The following TRPM3 variants were observed in gnomAD, a reference collection of about 807,000 sequenced individuals.
The protein encoded by TRPM3 is transient receptor potential cation channel subfamily M member 3, also known as long transient receptor potential channel 3.
A neutral mutation model predicts 181.2 loss-of-function variants in TRPM3; 77 were observed. The ratio of observed to expected loss-of-function variants is 0.42; its 90% CI spans 0.35 to 0.51. TRPM3 has a LOEUF of 0.51. Ranked by LOEUF, TRPM3 falls within the 20% of genes least tolerant of loss-of-function variation. The pLI is 0.01. For synonymous variants in TRPM3, 745 were observed against 796.4 expected (o/e 0.94, Z 1.09); for missense variants, 1,759 against 2,196.7 (o/e 0.80, Z 3.98).
intron 1 of TRPM3, among the ~76,000 whole-genome samples, chr9:71,019,111 G>A (rs1346615048): frequency 6.6e-6 from 1 of 151,802 alleles, no homozygotes; most frequent in Non-Finnish European, 1.5e-5. Context: ...AAATGATAAA[G>A]TTTATCTACA....
At position 70,529,434 on chromosome 9, in the gene TRPM3, T is replaced by A. The variant is rs2040567304; in HGVS notation, c.*6519A>T. On this transcript the variant is annotated 3_prime_UTR_variant, in exon 26 of 26. Transcript: ENST00000677713. ...GAACGTTTACAAATGAGAGTCTAGG[T>A]CCTATATTATGAAATGGCTATGAGT... 1.3e-5 allele frequency: 2 copies of A among 152,162 alleles called. No homozygotes were observed. Among genetic ancestry groups the A allele is most frequent in the African/African-American group, 2.4e-5 (1 of 41,438 alleles). The allele number at this position is 152,162 out of a possible 1,614,324, so 9.4% of individuals were successfully genotyped here.
At chr9:71,236,418 A>G (rs2081353632) in intron 1 of TRPM3, among the ~76,000 whole-genome samples, 1 of 151,282 alleles carries the variant, frequency 6.6e-6, no homozygotes, top group Non-Finnish European at 1.5e-5. Context: ...ACCACCCTCT[A>G]CCCGCCCCAC....
chr9:70,765,097 G>C (rs535152666), intron 7 of TRPM3, among the ~76,000 whole-genome samples: 4 of 152,284 alleles, frequency 2.6e-5, no homozygotes, highest in African/African-American at 7.2e-5. Flanking sequence ...TATGCCCTAA[G>C]GAGGTTAAAT....
At chr9:70,932,767 A>T (rs2096787933) in intron 1 of TRPM3, among the ~76,000 whole-genome samples, 1 of 152,174 alleles carries the variant, frequency 6.6e-6, no homozygotes, top group Admixed American at 6.5e-5. Flanking sequence ...TCAGATCTCT[A>T]TTCTAATGGA....
chr9:71,416,102 A>C (rs753583432), intron 1 of TRPM3, among the ~76,000 whole-genome samples: 19 of 151,716 alleles, frequency 1.3e-4, no homozygotes, highest in Non-Finnish European at 2.1e-4. Flanking sequence ...TGTATTTCAC[A>C]AAGAAAAAAG....
intron 1 of TRPM3, among the ~76,000 whole-genome samples, chr9:71,230,455 CTAAAA>C (rs2080979573): frequency 6.6e-6 from 1 of 151,908 alleles, no homozygotes; most frequent in South Asian, 2.1e-4. Context: ...TTAAAAATAA[CTAAAA>C]TAATATAACT....
At chr9:70,967,566 A>T (rs2097198437) in intron 1 of TRPM3, among the ~76,000 whole-genome samples, 1 of 152,096 alleles carries the variant, frequency 6.6e-6, no homozygotes, top group South Asian at 2.1e-4. Context: ...CAAGTACACA[A>T]AGAACTTTTC....
At chr9:70,833,365 C>T (rs1564504740) in intron 5 of TRPM3, among the ~76,000 whole-genome samples, 1 of 152,214 alleles carries the variant, frequency 6.6e-6, no homozygotes, top group African/African-American at 2.4e-5. Flanking sequence ...TATGAACCAA[C>T]ATGCTCCAGA....
At chr9:71,204,401 AG>A (rs2078998306) in intron 1 of TRPM3, among the ~76,000 whole-genome samples, 1 of 152,264 alleles carries the variant, frequency 6.6e-6, no homozygotes, top group African/African-American at 2.4e-5. Context: ...AAGTAGGCAA[AG>A]GATATGAACA....
At chr9:71,320,821 C>T (rs2089151576) in intron 1 of TRPM3, among the ~76,000 whole-genome samples, 1 of 152,108 alleles carries the variant, frequency 6.6e-6, no homozygotes. Flanking sequence ...ATCTGAAAGT[C>T]AACATGCCAA....
At chr9:71,417,701 T>C (rs1243033865) in intron 1 of TRPM3, among the ~76,000 whole-genome samples, 1 of 152,006 alleles carries the variant, frequency 6.6e-6, no homozygotes, top group Non-Finnish European at 1.5e-5. Context: ...GAGCACACCA[T>C]TCTGGGTTCT....
intron 1 of TRPM3, among the ~76,000 whole-genome samples, chr9:70,975,857 A>G (rs57003674): frequency 0.011 from 1,751 of 152,268 alleles, 39 homozygotes; most frequent in African/African-American, 0.039. Flanking sequence ...CTAACTCCTC[A>G]AAGCCCAGGT....
intron 1 of TRPM3, among the ~76,000 whole-genome samples, chr9:71,271,563 C>T (rs1185511065): frequency 6.6e-6 from 1 of 151,556 alleles, no homozygotes; most frequent in Non-Finnish European, 1.5e-5. Context: ...ATTAAGGAAA[C>T]ATTTCTACCC....
intron 1 of TRPM3, among the ~76,000 whole-genome samples, chr9:71,275,876 C>G (rs2084172763): frequency 6.7e-6 from 1 of 148,724 alleles, no homozygotes; most frequent in Admixed American, 6.7e-5. Context: ...GAGTCTTGCT[C>G]TTTCACCCAG....
At position 71,192,410 on chromosome 9, in the gene TRPM3, G is replaced by C. The variant is rs6560187; in HGVS notation, c.183+254243C>G. ...AAAATTTTTAAGAGAATTTATGACA[G>C]AGAATTGTATGTTATCTTTTGACAT... On this transcript the variant is annotated intron_variant, in intron 1 of 24. Transcript: ENST00000357533. Among the ~76,000 whole-genome samples, 1,331 of 151,862 alleles carry C rather than the reference G, an allele frequency of 8.8e-3. 22 individuals carry two copies. Among genetic ancestry groups the C allele is most frequent in the African/African-American group, 0.03 (1,251 of 41,484 alleles).
chr9:71,230,712 T>C (rs1160696397), intron 1 of TRPM3, among the ~76,000 whole-genome samples: 1 of 152,226 alleles, frequency 6.6e-6, no homozygotes, highest in Non-Finnish European at 1.5e-5. Context: ...AGGTTGCTCA[T>C]GCTTTTACTT....
At chr9:70,592,686 A>G (rs1187421149) in intron 21 of TRPM3, among the ~76,000 whole-genome samples, 2 of 152,172 alleles carry the variant, frequency 1.3e-5, no homozygotes, top group African/African-American at 4.8e-5. Flanking sequence ...TAATTTTATC[A>G]ATGATAATGG....
At chr9:71,263,673 C>A (rs921999665) in intron 1 of TRPM3, among the ~76,000 whole-genome samples, 8 of 152,192 alleles carry the variant, frequency 5.3e-5, no homozygotes, top group Non-Finnish European at 1.0e-4. Flanking sequence ...GGCACAATCA[C>A]AGCAAGTCCA....
At chr9:71,210,436 C>A (rs2079418192) in intron 1 of TRPM3, among the ~76,000 whole-genome samples, 1 of 152,116 alleles carries the variant, frequency 6.6e-6, no homozygotes, top group Non-Finnish European at 1.5e-5. Flanking sequence ...CTCCCTGACC[C>A]ACTCCCTGGT....
Sources: allele counts gnomAD v4.1 joint callset (sites outside exome capture counted in the v4.1 genomes callset), GRCh38; gene constraint gnomAD v4.1.1; transcripts MANE v1.5; gene names NCBI Gene and HGNC (gene_info 2026-07-23, HGNC 2026-07-21).